ADCY5: variants seen among roughly 807,000 people sequenced by gnomAD.
The protein encoded by ADCY5 is adenylate cyclase 5, also known as adenylate cyclase type 5.
Under a neutral mutation model 119.7 loss-of-function variants are expected in ADCY5, and 30 were observed. That is an observed-to-expected ratio of 0.25 (90% CI 0.19 to 0.34). The LOEUF is 0.34. Among genes scored for constraint, ADCY5 ranks in the 10% least tolerant of loss-of-function variants. The probability of loss-of-function intolerance (pLI) is 1.00; values close to 1 mark genes in which losing one functional copy is unlikely to be tolerated. For synonymous variants in ADCY5, 753 were observed against 762.2 expected (o/e 0.99, Z 0.20); for missense variants, 1,324 against 1,775.2 (o/e 0.75, Z 4.57).
At chr3:123,425,481 T>C (rs1173730702) in intron 1 of ADCY5, among the ~76,000 whole-genome samples, 1 of 152,230 alleles carries the variant, frequency 6.6e-6, no homozygotes, top group Non-Finnish European at 1.5e-5. Context: ...TTCCACTGCA[T>C]GTGTGCATGT....
rs62262648 is a variant in ADCY5, at chr3:123,300,794, C to T, written c.2725-499G>A. On this transcript the variant is annotated intron_variant, in intron 14 of 20. Coordinates refer to ENST00000462833, the MANE Select transcript of ADCY5 (RefSeq NM_183357.3). Reference sequence around the variant, plus strand: ...TTTTCATGACTCCTGTAGGGGGCCACGCCTGAACGGAGCTGCTCTGGTGGC... The same window carrying T: ...TTTTCATGACTCCTGTAGGGGGCCATGCCTGAACGGAGCTGCTCTGGTGGC... Among the ~76,000 whole-genome samples the T allele has an allele frequency of 5.7e-3, 861 of 152,302 alleles. 3 individuals carry two copies. Among genetic ancestry groups the T allele is most frequent in the Middle Eastern group, 0.017 (5 of 294 alleles).
chr3:123,432,701 A>G (rs960648405), intron 1 of ADCY5, among the ~76,000 whole-genome samples: 8 of 151,810 alleles, frequency 5.3e-5, no homozygotes, highest in Non-Finnish European at 1.2e-4. Flanking sequence ...TAATTTTTTC[A>G]TTTTATGTAG....
intron 1 of ADCY5, among the ~76,000 whole-genome samples, chr3:123,424,459 G>A (rs1945361649): frequency 6.6e-6 from 1 of 152,192 alleles, no homozygotes; most frequent in African/African-American, 2.4e-5. Context: ...GGGGTGCTCA[G>A]AGGTCCCAAT....
intron 1 of ADCY5, among the ~76,000 whole-genome samples, chr3:123,361,516 G>A (rs984012207): frequency 1.8e-5 from 2 of 109,742 alleles, no homozygotes; most frequent in South Asian, 3.3e-4. Flanking sequence ...TGGCAACCAC[G>A]AACCTACTTT....
intron 1 of ADCY5, among the ~76,000 whole-genome samples, chr3:123,415,573 T>C (rs1945167071): frequency 6.6e-6 from 1 of 152,196 alleles, no homozygotes; most frequent in Non-Finnish European, 1.5e-5. Context: ...TTACTTTTCC[T>C]GCAACCAGAA....
chr3:123,446,389 G>C (rs1945814438), intron 1 of ADCY5, among the ~76,000 whole-genome samples: 1 of 152,182 alleles, frequency 6.6e-6, no homozygotes, highest in South Asian at 2.1e-4. Flanking sequence ...TGGGGTCCAA[G>C]GTGAAGAGAC....
At chr3:123,294,175 G>A (rs1034947821) in intron 17 of ADCY5, among the ~76,000 whole-genome samples, 2 of 152,174 alleles carry the variant, frequency 1.3e-5, no homozygotes, top group Non-Finnish European at 2.9e-5. Context: ...CAAATCAATG[G>A]AGGAGGAGGG....
rs201365334 is a variant in ADCY5 at position 123,296,250 on chromosome 3, C to T, written c.2931-34G>A. ...AGGTGGTGGACAGGCCTGAGACGGC[C>T]GTGGCTCCTCACAGCGGGCTCTGAG... On this transcript the variant is annotated intron_variant, in intron 16 of 20. Coordinates refer to ENST00000462833, the MANE Select transcript of ADCY5 (RefSeq NM_183357.3). 10 of 1,602,388 alleles carry T rather than the reference C, an allele frequency of 6.2e-6. No individual in the cohort carries two copies. In the African/African-American group the frequency reaches 8.0e-5, roughly 13 times the overall value.
At chr3:123,377,124 G>T (rs745513874) in intron 1 of ADCY5, among the ~76,000 whole-genome samples, 7 of 152,214 alleles carry the variant, frequency 4.6e-5, no homozygotes, top group Admixed American at 1.3e-4. Flanking sequence ...CCACACAGCA[G>T]CCACGATGAT....
At chr3:123,431,675 G>T (rs1453857512) in intron 1 of ADCY5, among the ~76,000 whole-genome samples, 1 of 152,174 alleles carries the variant, frequency 6.6e-6, no homozygotes, top group Non-Finnish European at 1.5e-5. Context: ...GGGGTTAATT[G>T]CTGGTGATAA....
chr3:123,447,383 C>G (rs1010949564), intron 1 of ADCY5, 29 bp downstream of exon 1: 19 of 1,506,602 alleles, frequency 1.3e-5, no homozygotes, highest in Admixed American at 4.4e-5. Flanking sequence ...GCCCCGCAAT[C>G]CAGTCCCGGT....
chr3:123,333,592 C>A (rs1297285934), intron 3 of ADCY5, among the ~76,000 whole-genome samples: 2 of 152,242 alleles, frequency 1.3e-5, no homozygotes, highest in East Asian at 3.8e-4. Flanking sequence ...CCTCCCCCAG[C>A]CCAGGAGGAA....
At chr3:123,290,467 C>A (rs1939074703) in intron 18 of ADCY5, among the ~76,000 whole-genome samples, 1 of 152,224 alleles carries the variant, frequency 6.6e-6, no homozygotes, top group African/African-American at 2.4e-5. Context: ...ATGCCCAGGC[C>A]CGGCGTGCCC....
chr3:123,353,703 C>T (rs1942933025), intron 1 of ADCY5, among the ~76,000 whole-genome samples: 1 of 152,204 alleles, frequency 6.6e-6, no homozygotes, highest in African/African-American at 2.4e-5. Flanking sequence ...CCCAAAGAGT[C>T]TTGCTGTGGG....
chr3:123,400,510 A>G (rs1021269760), intron 1 of ADCY5, among the ~76,000 whole-genome samples: 5 of 152,244 alleles, frequency 3.3e-5, no homozygotes, highest in African/African-American at 1.2e-4. Context: ...AACAAACTGG[A>G]AATGAGCTAA....
chr3:123,359,210 C>A (rs1254280024), intron 1 of ADCY5, among the ~76,000 whole-genome samples: 1 of 151,024 alleles, frequency 6.6e-6, no homozygotes, highest in Non-Finnish European at 1.5e-5. Flanking sequence ...TCCCGGGGAG[C>A]CAGAGTTAGT....
rs990573935 is a variant in ADCY5 at position 123,318,109 on chromosome 3, C to T, written c.2265G>A (p.Lys755=). 3.1e-6 allele frequency: 5 copies of T among 1,613,126 alleles called. No homozygotes were observed. The highest frequency in any genetic ancestry group is 4.2e-6 in the Non-Finnish European group (5 of 1,179,564). ...AGGCACCAAATCGGTCGTCTACCTG[C>T]TTGGAGTACTGAGAGGAGACGGGCA... is the stretch of plus-strand genomic sequence containing the variant. ...REPDLEKKYS[K]QVDDRFGAYV... Residue 755 remains lysine, a synonymous_variant, in exon 11 of 21, where the codon AAG becomes AAA. Coordinates refer to ENST00000462833, the MANE Select transcript of ADCY5 (RefSeq NM_183357.3).
At chr3:123,348,161 C>T (rs529050280) in intron 2 of ADCY5, among the ~76,000 whole-genome samples, 16 of 152,034 alleles carry the variant, frequency 1.1e-4, no homozygotes, top group African/African-American at 2.2e-4. Flanking sequence ...CCACATTTCT[C>T]GGGCAAAAGC....
chr3:123,374,378 C>G (rs1456626084), intron 1 of ADCY5, among the ~76,000 whole-genome samples: 1 of 152,158 alleles, frequency 6.6e-6, no homozygotes, highest in Non-Finnish European at 1.5e-5. Context: ...GGAGCCACTA[C>G]AAGCTGGTAA....
Sources: allele counts gnomAD v4.1 joint callset (sites outside exome capture counted in the v4.1 genomes callset), GRCh38; gene constraint gnomAD v4.1.1; transcripts MANE v1.5; gene names NCBI Gene and HGNC (gene_info 2026-07-23, HGNC 2026-07-21).